Variants in DLG2 observed in about 807,000 individuals in gnomAD.
DLG2 encodes discs large MAGUK scaffold protein 2.
Under a neutral mutation model 132.5 loss-of-function variants are expected in DLG2, and 45 were observed. That is an observed-to-expected ratio of 0.34 (90% CI 0.27 to 0.44). DLG2 has a LOEUF of 0.44. Among genes scored for constraint, DLG2 ranks in the 20% least tolerant of loss-of-function variants. The probability of loss-of-function intolerance (pLI) is 1.00; values close to 1 mark genes in which losing one functional copy is unlikely to be tolerated. For synonymous variants in DLG2, 424 were observed against 419.6 expected (o/e 1.01, Z -0.13); for missense variants, 1,045 against 1,196.9 (o/e 0.87, Z 1.87).
intron 3 of DLG2, among the ~76,000 whole-genome samples, chr11:85,520,025 C>A (rs1021836048): frequency 4.0e-5 from 6 of 151,454 alleles, no homozygotes; most frequent in Middle Eastern, 3.4e-3. Context: ...TGAAAGTGGA[C>A]TAATGCACCT....
intron 9 of DLG2, among the ~76,000 whole-genome samples, chr11:84,112,793 T>C (rs993194603): frequency 3.9e-5 from 6 of 152,196 alleles, no homozygotes; most frequent in South Asian, 2.1e-4. Flanking sequence ...TATTAGGTGC[T>C]ACTCCCTTGG....
At chr11:84,414,191 G>A (rs2098920484) in intron 7 of DLG2, among the ~76,000 whole-genome samples, 1 of 152,052 alleles carries the variant, frequency 6.6e-6, no homozygotes, top group Non-Finnish European at 1.5e-5. Context: ...TAAGACTATT[G>A]TGAAGATTAA....
At chr11:85,073,077 AAC>A (rs2066091770) in intron 6 of DLG2, among the ~76,000 whole-genome samples, 1 of 151,910 alleles carries the variant, frequency 6.6e-6, no homozygotes, top group South Asian at 2.1e-4. Flanking sequence ...AGATGGCCAA[AAC>A]ACATTTTATC....
chr11:84,480,583 T>A (rs963405640), intron 7 of DLG2, among the ~76,000 whole-genome samples: 1 of 152,104 alleles, frequency 6.6e-6, no homozygotes, highest in African/African-American at 2.4e-5. Flanking sequence ...ACTGTGCTAA[T>A]CCCATTATTG....
chr11:83,742,491 C>T (rs2092602704), intron 18 of DLG2, among the ~76,000 whole-genome samples: 1 of 152,126 alleles, frequency 6.6e-6, no homozygotes, highest in Non-Finnish European at 1.5e-5. Flanking sequence ...AGAAATAATG[C>T]TACCAAGATT....
intron 6 of DLG2, among the ~76,000 whole-genome samples, chr11:84,583,289 C>T (rs1307315411): frequency 6.6e-6 from 1 of 152,140 alleles, no homozygotes; most frequent in Non-Finnish European, 1.5e-5. Context: ...GCTCCCTCTC[C>T]CTGTTGCTTT....
intron 6 of DLG2, among the ~76,000 whole-genome samples, chr11:84,787,742 A>G (rs59456819): frequency 6.6e-6 from 1 of 152,272 alleles, no homozygotes; most frequent in East Asian, 1.9e-4. Context: ...TCACCACTGG[A>G]AGATAAATTG....
At chr11:84,463,397 T>C (rs970464672) in intron 7 of DLG2, among the ~76,000 whole-genome samples, 1 of 151,072 alleles carries the variant, frequency 6.6e-6, no homozygotes, top group Non-Finnish European at 1.5e-5. Context: ...GAGAAAGTGA[T>C]GCTATCTCAA....
At chr11:83,481,154 C>G (rs898467660) in intron 22 of DLG2, among the ~76,000 whole-genome samples, 5 of 152,114 alleles carry the variant, frequency 3.3e-5, no homozygotes, top group African/African-American at 1.2e-4. Context: ...CAGGTTCTGG[C>G]TGAAGTATGT....
At chr11:83,641,637 C>T (rs189746647) in intron 18 of DLG2, among the ~76,000 whole-genome samples, 4 of 152,252 alleles carry the variant, frequency 2.6e-5, no homozygotes, top group Admixed American at 6.5e-5. Context: ...CTCCCAGATA[C>T]GCACTGGAAT....
At chr11:85,384,600 ACT>A (rs2086171499) in intron 3 of DLG2, among the ~76,000 whole-genome samples, 1 of 152,028 alleles carries the variant, frequency 6.6e-6, no homozygotes, top group Non-Finnish European at 1.5e-5. Context: ...AAACAGTCTC[ACT>A]CTGTTTCCCA....
chr11:83,989,740 G>A (rs1035017483), intron 11 of DLG2, among the ~76,000 whole-genome samples: 1 of 152,124 alleles, frequency 6.6e-6, no homozygotes, highest in African/African-American at 2.4e-5. Context: ...AAGCAAAAAT[G>A]CCTGGCAATC....
At chr11:84,843,520 T>C (rs929690315) in intron 6 of DLG2, among the ~76,000 whole-genome samples, 1 of 151,862 alleles carries the variant, frequency 6.6e-6, no homozygotes, top group Non-Finnish European at 1.5e-5. Flanking sequence ...CTTTGTATAA[T>C]AGGGAGAGAT....
intron 18 of DLG2, among the ~76,000 whole-genome samples, chr11:83,779,294 C>T (rs1299383923): frequency 6.6e-6 from 1 of 151,990 alleles, no homozygotes; most frequent in African/African-American, 2.4e-5. Flanking sequence ...ATTTGAACTA[C>T]TTGTTGAAAA....
intron 6 of DLG2, among the ~76,000 whole-genome samples, chr11:84,843,366 G>C (rs2080959431): frequency 6.6e-6 from 1 of 151,192 alleles, no homozygotes; most frequent in African/African-American, 2.4e-5. Context: ...CTCACTATAT[G>C]ACTGTTGATA....
intron 7 of DLG2, among the ~76,000 whole-genome samples, chr11:84,430,603 GT>G (rs2098981576): frequency 6.6e-6 from 1 of 152,124 alleles, no homozygotes; most frequent in Non-Finnish European, 1.5e-5. Flanking sequence ...CAATTTTACA[GT>G]GGTTTTGTGA....
At chr11:84,433,403 A>G (rs376950158) in intron 7 of DLG2, among the ~76,000 whole-genome samples, 4 of 152,306 alleles carry the variant, frequency 2.6e-5, no homozygotes, top group African/African-American at 9.6e-5. Flanking sequence ...TCTAATTAAG[A>G]GATTTAAGTT....
intron 6 of DLG2, among the ~76,000 whole-genome samples, chr11:84,807,061 C>A (rs545048036): frequency 6.6e-6 from 1 of 152,006 alleles, no homozygotes; most frequent in Admixed American, 6.5e-5. Context: ...GAAAATAAAA[C>A]GGGATTGCAA....
chr11:84,640,718 G>A (rs753192912), intron 6 of DLG2, among the ~76,000 whole-genome samples: 23 of 152,098 alleles, frequency 1.5e-4, no homozygotes, highest in Non-Finnish European at 2.5e-4. Flanking sequence ...AAGGCGTGAC[G>A]ATCATGAGGT....
Sources: gnomAD v4.1 joint callset for allele counts (sites outside exome capture counted in the v4.1 genomes callset) on GRCh38, gnomAD v4.1.1 for gene constraint, MANE v1.5 for transcripts, NCBI Gene and HGNC (gene_info 2026-07-23, HGNC 2026-07-21) for gene names.